SLC8A2: variants seen among roughly 807,000 people sequenced by gnomAD.
The protein encoded by SLC8A2 is sodium/calcium exchanger 2.
In SLC8A2, 14 loss-of-function variants were observed where a neutral mutation model predicts 70.2. That is an observed-to-expected ratio of 0.20 (90% CI 0.13 to 0.31). The LOEUF is 0.31. SLC8A2 is among the 10% of genes least tolerant of loss of function. The pLI is 1.00. For synonymous variants in SLC8A2, 575 were observed against 594.3 expected (o/e 0.97, Z 0.47); for missense variants, 779 against 1,320.1 (o/e 0.59, Z 6.35).
chr19:47,459,684 T>C (rs927787471), intron 2 of SLC8A2, among the ~76,000 whole-genome samples: 1 of 147,046 alleles, frequency 6.8e-6, no homozygotes, highest in Admixed American at 6.7e-5. Flanking sequence ...TGTGTGTGTG[T>C]GCATGGGTGT....
At chr19:47,459,569 T>C (rs1041214968) in intron 2 of SLC8A2, among the ~76,000 whole-genome samples, 1 of 151,744 alleles carries the variant, frequency 6.6e-6, no homozygotes, top group Non-Finnish European at 1.5e-5. Context: ...CATGTGTATA[T>C]GTGTATGTGC....
chr19:47,432,523 C>G lies in SLC8A2; in HGVS notation c.2111-78G>C. 2 of 1,391,500 alleles carry G rather than the reference C, an allele frequency of 1.4e-6. No individual in the cohort carries two copies. The highest frequency in any genetic ancestry group is 1.9e-6 in the Non-Finnish European group (2 of 1,033,194). The allele number at this position is 1,391,500 out of a possible 1,614,324, so 86.2% of individuals were successfully genotyped here. A position where few individuals can be genotyped will look rare whatever the true frequency, so the allele number is the denominator to read the frequency against. On this transcript the variant is annotated intron_variant, in intron 8 of 9. Transcript: ENST00000236877. This position sits in a 1 kb window ranked among gnomAD's most constrained non-coding sequence, Gnocchi z 6.2. ...ACAGAGGCCCCATTTTGTCTAACTT[C>G]CTGACAGCAAGTCCCATTGAATGAA...
intron 3 of SLC8A2, among the ~76,000 whole-genome samples, chr19:47,451,287 C>T (rs183632784): frequency 1.3e-5 from 2 of 151,924 alleles, no homozygotes; most frequent in African/African-American, 4.8e-5. Context: ...GGATTACAGG[C>T]ATAAGCCACC....
chr19:47,465,419 C>T lies in SLC8A2; in HGVS notation c.675+310G>A, dbSNP rs972649574. On this transcript the variant is annotated intron_variant, in intron 2 of 9. Coordinates refer to ENST00000236877, the MANE Select transcript of SLC8A2 (RefSeq NM_015063.3). The surrounding 1 kb of genome is among the most constrained non-coding windows in gnomAD (Gnocchi z 5.5). ...CACCCTTTTGGGAGCTAAAAGGTGC[C>T]CCTTCCAAGTGAGTGTACTGTTCTT... Among the ~76,000 whole-genome samples the T allele has an allele frequency of 2.6e-5, 4 of 152,178 alleles. No homozygotes were observed. Among genetic ancestry groups the T allele is most frequent in the African/African-American group, 9.7e-5 (4 of 41,422 alleles).
Position 47,441,423 on chromosome 19 carries a change from T to C in SLC8A2, c.1781A>G (p.Lys594Arg), listed in dbSNP as rs1363203381. The C allele has an allele frequency of 6.2e-7, 1 of 1,612,248 alleles. No individual in the cohort carries two copies. Residue 594 changes from lysine to arginine, a missense_variant, in exon 5 of 10, where the codon AAG (lysine) becomes AGG (arginine). Physicochemically the swap from Lys to Arg is conservative, Grantham distance 26. Coordinates refer to ENST00000236877, the MANE Select transcript of SLC8A2 (RefSeq NM_015063.3). ...DDETMKTLQVKIVDDEEYEKK... is the reference protein window; with the variant it reads ...DDETMKTLQVRIVDDEEYEKK... The stretch of plus-strand genomic sequence containing the variant: ...CTCATATTCCTCGTCATCAACTATC[T>C]TCACCTGAAGAGTTTTCCTGTGCAG...
rs922555127 is a variant in SLC8A2, at chr19:47,430,528, C to G, written c.2390-63G>C. On this transcript the variant is annotated intron_variant, in intron 9 of 9. Coordinates refer to ENST00000236877, the MANE Select transcript of SLC8A2 (RefSeq NM_015063.3). This position sits in a 1 kb window ranked among gnomAD's most constrained non-coding sequence, Gnocchi z 5.9. ...GCCGCCACCCACAGGGGCGGGCATC[C>G]GCCTGCCCCCTCCCAGCCTTTCCCG... 6.8e-7 allele frequency: 1 copy of G among 1,460,308 alleles called. No individual in the cohort carries two copies. The highest frequency in any genetic ancestry group is 1.4e-5 in the African/African-American group (1 of 71,194). 90.5% of individuals were successfully genotyped at this position (1,460,308 alleles called of 1,614,324 possible).
At chr19:47,439,891 T>C (rs1290847204) in intron 6 of SLC8A2, among the ~76,000 whole-genome samples, 1 of 152,182 alleles carries the variant, frequency 6.6e-6, no homozygotes, top group South Asian at 2.1e-4. Flanking sequence ...CTTGAACTCC[T>C]GACCTTAAGT....
intron 3 of SLC8A2, among the ~76,000 whole-genome samples, chr19:47,451,171 G>T (rs1025689369): frequency 2.0e-5 from 3 of 151,928 alleles, no homozygotes; most frequent in African/African-American, 7.3e-5. Flanking sequence ...ACCATGCCTG[G>T]CTAATTTTTT....
At chr19:47,458,526 CTCCTT>C (rs576882666) in intron 2 of SLC8A2, among the ~76,000 whole-genome samples, 107 of 146,332 alleles carry the variant, frequency 7.3e-4, no homozygotes, top group African/African-American at 2.6e-3. Context: ...TCATTTCTCT[CTCCTT>C]TCCGTCCCTC....
intron 8 of SLC8A2, 52 bp downstream of exon 8, chr19:47,437,410 G>T: frequency 8.1e-7 from 1 of 1,235,670 alleles, no homozygotes; most frequent in Non-Finnish European, 1.2e-6. Flanking sequence ...CCCTTTCCCT[G>T]TGTCTCTGTC....
rs1224027497 is a variant in SLC8A2 at position 47,466,227 on chromosome 19, C to T, written c.177G>A (p.Glu59=). Residue 59 remains glutamate, a synonymous_variant, in exon 2 of 10, where the codon GAG becomes GAA. Transcript: ENST00000236877. The surrounding 1 kb of genome is among the most constrained non-coding windows in gnomAD (Gnocchi z 6.9). ...TGTCACCCAGCGACGGGTCGTCGGG[C>T]TCCCACACGGGCAGCAGCACCCCCG... ...CQPGVLLPVW[E]PDDPSLGDKA... is the part of the protein sequence containing the mutation. 3 of 1,607,952 alleles carry T rather than the reference C, an allele frequency of 1.9e-6. No homozygotes were observed. The highest frequency in any genetic ancestry group is 2.2e-5 in the South Asian group (2 of 90,712).
At chr19:47,471,080 G>C (rs754222157) in intron 1 of SLC8A2, among the ~76,000 whole-genome samples, 17 of 151,690 alleles carry the variant, frequency 1.1e-4, no homozygotes, top group Non-Finnish European at 2.2e-4. Context: ...GAGAGAAACA[G>C]AGACTGAGAT....
chr19:47,455,566 A>G (rs1967294456), intron 3 of SLC8A2, among the ~76,000 whole-genome samples: 1 of 152,208 alleles, frequency 6.6e-6, no homozygotes, highest in African/African-American at 2.4e-5. Flanking sequence ...AAATGTCATT[A>G]TGGGAAAGGG....
rs10403422 is a variant in SLC8A2, at chr19:47,429,514, C to A, written c.*575G>T. On this transcript the variant is annotated 3_prime_UTR_variant, in exon 10 of 10. Coordinates refer to ENST00000236877, the MANE Select transcript of SLC8A2 (RefSeq NM_015063.3). Reference sequence around the variant, plus strand: ...ACCCGAGTGGAGGGATTGGAAGGAACGGTGTGCGGCCTCCTTGCGCGCACA... The same window carrying A: ...ACCCGAGTGGAGGGATTGGAAGGAAAGGTGTGCGGCCTCCTTGCGCGCACA... 0.96 allele frequency: 147,037 copies of A among 153,082 alleles called. 70,879 individuals carry two copies. Among genetic ancestry groups the A allele is most frequent in the East Asian group, 1 (5,136 of 5,136 alleles). The allele number at this position is 153,082 out of a possible 1,614,324, so 9.5% of individuals were successfully genotyped here.
rs1356777648 is a variant in SLC8A2 at position 47,430,514 on chromosome 19, C to G, written c.2390-49G>C. ...CGGAGGGGCTTTGCGCCGCCACCCACAGGGGCGGGCATCCGCCTGCCCCCT... is the reference window on the plus strand; with the variant it reads ...CGGAGGGGCTTTGCGCCGCCACCCAGAGGGGCGGGCATCCGCCTGCCCCCT... On this transcript the variant is annotated intron_variant, in intron 9 of 9. Transcript: ENST00000236877. The surrounding 1 kb of genome is among the most constrained non-coding windows in gnomAD (Gnocchi z 5.9). 4 of 1,508,632 alleles carry G rather than the reference C, an allele frequency of 2.7e-6. No homozygotes were observed. The highest frequency in any genetic ancestry group is 3.5e-6 in the Non-Finnish European group (4 of 1,132,716). 93.5% of individuals were successfully genotyped at this position (1,508,632 alleles called of 1,614,324 possible). A position where few individuals can be genotyped will look rare whatever the true frequency, so the allele number is the denominator to read the frequency against.
intron 2 of SLC8A2, among the ~76,000 whole-genome samples, chr19:47,460,937 G>A (rs1967386395): frequency 6.6e-6 from 1 of 151,270 alleles, no homozygotes; most frequent in Non-Finnish European, 1.5e-5. Context: ...TTATGGGCCA[G>A]GCGTGGTGGC....
intron 1 of SLC8A2, among the ~76,000 whole-genome samples, chr19:47,467,569 C>T (rs923105533): frequency 6.6e-6 from 1 of 152,084 alleles, no homozygotes; most frequent in African/African-American, 2.4e-5. Flanking sequence ...GGGGCTGTGA[C>T]ATCTAAGACC....
chr19:47,439,617 T>TTC lies in SLC8A2; in HGVS notation c.1885+1551_1885+1552insGA, dbSNP rs1555747523. On this transcript the variant is annotated intron_variant, in intron 6 of 9. Coordinates refer to ENST00000236877, the MANE Select transcript of SLC8A2 (RefSeq NM_015063.3). ...CTCTCTTCTCCCTCCTTCCTTCCTT[T>TTC]CTTCCTTCCTTCCTTCCTTCCTTCC... Among the ~76,000 whole-genome samples the TTC allele has an allele frequency of 1.4e-3, 207 of 145,832 alleles. 5 individuals carry two copies. The highest frequency in any genetic ancestry group is 0.014 in the Middle Eastern group (4 of 292).
intron 3 of SLC8A2, among the ~76,000 whole-genome samples, chr19:47,454,499 T>G (rs752199729): frequency 3.4e-4 from 52 of 152,010 alleles, no homozygotes; most frequent in Non-Finnish European, 7.1e-4. Context: ...ACTCTGTCAC[T>G]CAGGCTGGAG....
Sources: allele counts gnomAD v4.1 joint callset (sites outside exome capture counted in the v4.1 genomes callset), GRCh38; gene constraint gnomAD v4.1.1; non-coding constraint Gnocchi (gnomAD v3.1); transcripts MANE v1.5; gene names NCBI Gene and HGNC (gene_info 2026-07-23, HGNC 2026-07-21).